The following DOCK2 variants were observed in gnomAD, a reference collection of about 807,000 sequenced individuals.
DOCK2 encodes the protein dedicator of cytokinesis 2, also known as dedicator of cytokinesis protein 2.
A neutral mutation model predicts 248.9 loss-of-function variants in DOCK2; 87 were observed. The ratio of observed to expected loss-of-function variants is 0.35; its 90% confidence interval spans 0.29 to 0.42. The LOEUF (loss-of-function observed/expected upper bound fraction) is 0.42, where lower values mean the gene tolerates loss of function less well. DOCK2 is among the 10% of genes least tolerant of loss of function. DOCK2 has a pLI of 1.00. For synonymous variants in DOCK2, 805 were observed against 821.6 expected (o/e 0.98, Z 0.35); for missense variants, 1,747 against 2,300.2 (o/e 0.76, Z 4.92).
At chr5:169,829,470 A>G (rs2113282482) in intron 26 of DOCK2, among the ~76,000 whole-genome samples, 1 of 152,324 alleles carries the variant, frequency 6.6e-6, no homozygotes, top group East Asian at 1.9e-4. Flanking sequence ...TATTGCAAAT[A>G]GCTCATGTAC....
chr5:169,854,909 C>T (rs932154540), intron 27 of DOCK2, among the ~76,000 whole-genome samples: 1 of 152,158 alleles, frequency 6.6e-6, no homozygotes, highest in Non-Finnish European at 1.5e-5. Context: ...GCTCTGGGTA[C>T]TTGGAGGATG....
chr5:170,041,204 AGTTGAAGAG>A, intron 37 of DOCK2, 59 bp downstream of exon 37: 1 of 1,431,660 alleles, frequency 7.0e-7, no homozygotes, highest in Admixed American at 1.7e-5. Flanking sequence ...CCTCACAGCA[AGTTGAAGAG>A]TGAAAAAAGA....
chr5:169,648,443 T>C (rs1440351248), intron 1 of DOCK2, among the ~76,000 whole-genome samples: 1 of 152,138 alleles, frequency 6.6e-6, no homozygotes, highest in Non-Finnish European at 1.5e-5. Context: ...ACTGGCTCGC[T>C]AAAAACTGTG....
chr5:169,697,459 G>A (rs1270872120), intron 10 of DOCK2, among the ~76,000 whole-genome samples: 6 of 152,154 alleles, frequency 3.9e-5, no homozygotes, highest in Admixed American at 6.5e-5. Context: ...TATAGGTCAC[G>A]TCCTCATCTC....
intron 35 of DOCK2, 42 bp downstream of exon 35, chr5:170,034,597 G>T (rs377140093): frequency 8.0e-5 from 129 of 1,606,978 alleles, no homozygotes; most frequent in Non-Finnish European, 1.1e-4. Context: ...AGAACCCTGT[G>T]GGGGGGCTTG....
chr5:170,074,784 G>C (rs955466686), intron 46 of DOCK2, among the ~76,000 whole-genome samples: 1 of 152,198 alleles, frequency 6.6e-6, no homozygotes, highest in East Asian at 1.9e-4. Flanking sequence ...CTTGGCTGCA[G>C]GGTGAGGCAG....
At chr5:169,978,375 ATGTGTG>A (rs70979152) in intron 27 of DOCK2, among the ~76,000 whole-genome samples, 3 of 25,774 alleles carry the variant, frequency 1.2e-4, no homozygotes, top group Admixed American at 4.1e-4. Context: ...GGCTCTGTGT[ATGTGTG>A]TGTGTGTGTG....
At chr5:169,895,765 C>T (rs906796612) in intron 27 of DOCK2, among the ~76,000 whole-genome samples, 8 of 152,142 alleles carry the variant, frequency 5.3e-5, no homozygotes, top group Non-Finnish European at 1.2e-4. Context: ...TGCTGAATGA[C>T]CTAGGACAAG....
chr5:170,046,356 T>C (rs980410462), intron 39 of DOCK2, among the ~76,000 whole-genome samples: 1 of 152,020 alleles, frequency 6.6e-6, no homozygotes, highest in Non-Finnish European at 1.5e-5. Context: ...AAGTGGAGAG[T>C]GGGGGAAGCC....
intron 22 of DOCK2, among the ~76,000 whole-genome samples, chr5:169,731,043 T>G (rs1762743782): frequency 6.6e-6 from 1 of 152,000 alleles, no homozygotes; most frequent in African/African-American, 2.4e-5. Context: ...ATTTTTAAAT[T>G]TTTTTGTGGA....
intron 39 of DOCK2, 73 bp downstream of exon 39, chr5:170,045,978 G>C: frequency 7.0e-7 from 1 of 1,432,206 alleles, no homozygotes; most frequent in South Asian, 1.1e-5. Flanking sequence ...CCCAGATCCT[G>C]GGGAGATGGG....
At chr5:169,989,041 A>T (rs1778145020) in intron 29 of DOCK2, among the ~76,000 whole-genome samples, 1 of 152,138 alleles carries the variant, frequency 6.6e-6, no homozygotes, top group African/African-American at 2.4e-5. Flanking sequence ...ATGTTATGAT[A>T]GTTGGCCTGT....
At chr5:169,973,081 A>G (rs147976624) in intron 27 of DOCK2, among the ~76,000 whole-genome samples, 1 of 152,328 alleles carries the variant, frequency 6.6e-6, no homozygotes, top group African/African-American at 2.4e-5. Context: ...TCACTCCTCA[A>G]GAAGGAAAAC....
intron 27 of DOCK2, among the ~76,000 whole-genome samples, chr5:169,931,688 TAA>T (rs1044574685): frequency 2.6e-5 from 4 of 152,138 alleles, no homozygotes; most frequent in African/African-American, 9.7e-5. Flanking sequence ...GTGAGGGTTA[TAA>T]GTGAGGAAGG....
chr5:169,977,982 G>A (rs1192587905), intron 27 of DOCK2, among the ~76,000 whole-genome samples: 1 of 152,026 alleles, frequency 6.6e-6, no homozygotes, highest in South Asian at 2.1e-4. Flanking sequence ...GAGTGCATTC[G>A]GCCACTCCTA....
chr5:169,647,406 GT>G (rs1757529489), intron 1 of DOCK2, among the ~76,000 whole-genome samples: 1 of 152,062 alleles, frequency 6.6e-6, no homozygotes, highest in Non-Finnish European at 1.5e-5. Flanking sequence ...AGAGTTGGAG[GT>G]TTTAAAATTT....
chr5:169,682,895 A>G (rs1392429351), intron 7 of DOCK2, among the ~76,000 whole-genome samples: 1 of 152,168 alleles, frequency 6.6e-6, no homozygotes, highest in Non-Finnish European at 1.5e-5. Context: ...ATCGTGCAGT[A>G]TTAATTTTCT....
chr5:169,954,338 T>A (rs1776781295), intron 27 of DOCK2, among the ~76,000 whole-genome samples: 1 of 152,266 alleles, frequency 6.6e-6, no homozygotes, highest in Non-Finnish European at 1.5e-5. Context: ...AACTTAACAA[T>A]TAATGATGTT....
intron 42 of DOCK2, among the ~76,000 whole-genome samples, chr5:170,055,823 A>G (rs1443091225): frequency 2.6e-5 from 4 of 152,242 alleles, no homozygotes; most frequent in Non-Finnish European, 5.9e-5. Context: ...TTGTACATTG[A>G]CAATGGTGTG....
Sources: gnomAD v4.1 joint callset for allele counts (sites outside exome capture counted in the v4.1 genomes callset) on GRCh38, gnomAD v4.1.1 for gene constraint, MANE v1.5 for transcripts, NCBI Gene and HGNC (gene_info 2026-07-23, HGNC 2026-07-21) for gene names.